KCTD10: variants seen among roughly 807,000 people sequenced by gnomAD.
The protein encoded by KCTD10 is BTB/POZ domain-containing adapter for CUL3-mediated RhoA degradation protein 3.
KCTD10 carries 13 observed loss-of-function variants against 34.6 expected under a neutral mutation model. The observed-to-expected ratio is 0.38, with a 90% CI of 0.24 to 0.60. The LOEUF (loss-of-function observed/expected upper bound fraction) is 0.60. Among genes scored for constraint, KCTD10 ranks in the 20% least tolerant of loss-of-function variants. KCTD10 has a pLI of 0.66. For missense variants in KCTD10, 256 were observed against 420.3 expected, an observed-to-expected ratio of 0.61 and a Z score of 3.42; for synonymous variants, 156 against 168.8, an observed-to-expected ratio of 0.92 and a Z score of 0.59.
Position 109,451,521 on chromosome 12 carries a change from C to A in KCTD10, c.*74G>T. 3 of 1,407,160 alleles carry A rather than the reference C, an allele frequency of 2.1e-6. No homozygotes were observed. Among genetic ancestry groups the A allele is most frequent in the East Asian group, 2.3e-5 (1 of 42,862 alleles). 87.2% of individuals were successfully genotyped at this position (1,407,160 alleles called of 1,614,324 possible). On this transcript the variant is annotated 3_prime_UTR_variant, in exon 7 of 7. Transcript: ENST00000228495. This position sits in a 1 kb window ranked among gnomAD's most constrained non-coding sequence, Gnocchi z 5.0. ...AAGGGAAGCAGAAGGGGCCCGGCAGCCTGCACAGGATCTGGGTGTAGCACG... is the reference window on the plus strand; with the variant it reads ...AAGGGAAGCAGAAGGGGCCCGGCAGACTGCACAGGATCTGGGTGTAGCACG...
rs1042251028 is a variant in KCTD10 at position 109,471,226 on chromosome 12, A to G, written c.4-1498T>C. On this transcript the variant is annotated intron_variant, in intron 1 of 6. Coordinates refer to ENST00000228495, the MANE Select transcript of KCTD10 (RefSeq NM_031954.5). ...CACAAACGTTATTTTTGTAAATGGG[A>G]CTGGGAGTAAAGGGAGGCAGCTTGC... The G allele has an allele frequency of 3.0e-6, 3 of 985,310 alleles. No homozygotes were observed. In the African/African-American group the frequency reaches 5.2e-5, roughly 17 times the overall value. The allele number at this position is 985,310 out of a possible 1,614,324, so 61.0% of individuals were successfully genotyped here.
chr12:109,470,568 G>A (rs4766475), intron 1 of KCTD10: 175,880 of 985,268 alleles, frequency 0.18, 15,821 homozygotes, highest in African/African-American at 0.18. Flanking sequence ...TAGAGGTGGA[G>A]ATGTGCAAGG....
At chr12:109,454,532 C>T (rs1872926924) in intron 6 of KCTD10, among the ~76,000 whole-genome samples, 1 of 152,122 alleles carries the variant, frequency 6.6e-6, no homozygotes, top group Non-Finnish European at 1.5e-5. Context: ...AGGTCGAGAC[C>T]AGCCTGGGCA....
intron 6 of KCTD10, among the ~76,000 whole-genome samples, chr12:109,454,353 CA>C (rs1268753106): frequency 6.6e-6 from 1 of 152,168 alleles, no homozygotes; most frequent in Non-Finnish European, 1.5e-5. Flanking sequence ...TGAGAACTGA[CA>C]AATACAATAA....
chr12:109,449,999 CTT>C lies in KCTD10; in HGVS notation c.*1594_*1595del, dbSNP rs1425401774. ...GATTGTTTTAAAGTTTTATTGTAGA[CTT>C]TGCTGTTGGATACAAAATGAAGGCA... On this transcript the variant is annotated 3_prime_UTR_variant, in exon 7 of 7. Transcript: ENST00000228495. 3 of 333,106 alleles carry C rather than the reference CTT, an allele frequency of 9.0e-6. No individual in the cohort carries two copies. The highest frequency in any genetic ancestry group is 1.6e-3 in the Middle Eastern group (2 of 1,282). The allele number at this position is 333,106 out of a possible 1,614,324, so 20.6% of individuals were successfully genotyped here. A position where few individuals can be genotyped will look rare whatever the true frequency, so the allele number is the denominator to read the frequency against.
At position 109,469,535 on chromosome 12, in the gene KCTD10, T is replaced by C. The variant is rs1873774367; in HGVS notation, c.197A>G (p.Glu66Gly). Reference protein sequence around the residue: ...MLKAMFSGRMEVLTDSEGWIL... With the variant: ...MLKAMFSGRMGVLTDSEGWIL... ...CTTACCTTCACTGTCGGTGAGCACT[T>C]CCATGCGCCCGCTGAACATGGCCTT... The change falls in exon 2 of 7, where the codon GAA becomes GGA. Residue 66 changes from glutamate (E) to glycine (G), a missense_variant. Transcript: ENST00000228495. The C allele has an allele frequency of 2.5e-6, 4 of 1,614,134 alleles. No homozygotes were observed. Among genetic ancestry groups the C allele is most frequent in the Non-Finnish European group, 3.4e-6 (4 of 1,179,990 alleles).
chr12:109,469,429 C>G (rs1210527795), intron 2 of KCTD10, 86 bp downstream of exon 2: 1 of 1,510,128 alleles, frequency 6.6e-7, no homozygotes, highest in Non-Finnish European at 9.0e-7. Context: ...ATCTTCAGGT[C>G]TCGACTTAAA....
chr12:109,464,099 T>C (rs148584954), intron 2 of KCTD10, among the ~76,000 whole-genome samples: 1 of 152,160 alleles, frequency 6.6e-6, no homozygotes, highest in Non-Finnish European at 1.5e-5. Flanking sequence ...TGACCTCTCC[T>C]TTCCCCTCTC....
intron 1 of KCTD10, among the ~76,000 whole-genome samples, chr12:109,475,038 G>A (rs528243900): frequency 6.6e-6 from 1 of 152,238 alleles, no homozygotes; most frequent in East Asian, 1.9e-4. Context: ...GAGTGTTAAA[G>A]CCATAATCTT....
chr12:109,472,100 T>G (rs1314315803), intron 1 of KCTD10, among the ~76,000 whole-genome samples: 19 of 152,184 alleles, frequency 1.2e-4, no homozygotes, highest in Admixed American at 1.2e-3. Context: ...CACACTACAT[T>G]TATTTAAAAT....
In KCTD10 at chr12:109,460,506, G is replaced by T; in HGVS notation, c.387+130C>A. ...TCCAACCGAAGGAATCGGGCTCCAG[G>T]GCAAACTCATTAACTCTCACAACAT... On this transcript the variant is annotated intron_variant, in intron 3 of 6. Coordinates refer to ENST00000228495, the MANE Select transcript of KCTD10 (RefSeq NM_031954.5). The surrounding 1 kb of genome is among the most constrained non-coding windows in gnomAD (Gnocchi z 4.5). The T allele has an allele frequency of 1.9e-6, 2 of 1,033,714 alleles. No homozygotes were observed. Among genetic ancestry groups the T allele is most frequent in the Non-Finnish European group, 2.8e-6 (2 of 710,066 alleles). 64.0% of individuals were successfully genotyped at this position (1,033,714 alleles called of 1,614,324 possible).
At chr12:109,470,196 A>G (rs1302047636) in intron 1 of KCTD10, 1 of 988,746 alleles carries the variant, frequency 1.0e-6, no homozygotes, top group Non-Finnish European at 1.2e-6. Flanking sequence ...ATTGCCATGT[A>G]CCACTCAATA....
In KCTD10 at chr12:109,460,075, G is replaced by T. The variant is rs144638888; in HGVS notation, c.387+561C>A. Among the ~76,000 whole-genome samples the T allele has an allele frequency of 1.6e-3, 240 of 152,360 alleles. No individual in the cohort carries two copies. The highest frequency in any genetic ancestry group is 2.7e-3 in the Non-Finnish European group (185 of 68,034). ...TGTGGTGTGGGGGAGGCCCAAACAA[G>T]GGCCTCATGCACACAGACCAGATTC... On this transcript the variant is annotated intron_variant, in intron 3 of 6. Coordinates refer to ENST00000228495, the MANE Select transcript of KCTD10 (RefSeq NM_031954.5). This position sits in a 1 kb window ranked among gnomAD's most constrained non-coding sequence, Gnocchi z 4.5.
In KCTD10 at chr12:109,460,672, G is replaced by T; in HGVS notation, c.351C>A (p.Val117=). 8 of 1,614,140 alleles carry T rather than the reference G, an allele frequency of 5.0e-6. No homozygotes were observed. The highest frequency in any genetic ancestry group is 1.3e-5 in the African/African-American group (1 of 75,030). The change falls in exon 3 of 7, where the codon GTC becomes GTA. Residue 117 remains valine, a synonymous_variant. Coordinates refer to ENST00000228495, the MANE Select transcript of KCTD10 (RefSeq NM_031954.5). This position sits in a 1 kb window ranked among gnomAD's most constrained non-coding sequence, Gnocchi z 4.5. ...ELLAEAKYYL[V]QGLVEECQAA... is the part of the protein sequence containing the mutation. Reference sequence around the variant, plus strand: ...CCTGGCACTCTTCCACCAGGCCTTGGACTAGGTAGTACTTGGCTTCTGCTA... The same window carrying T: ...CCTGGCACTCTTCCACCAGGCCTTGTACTAGGTAGTACTTGGCTTCTGCTA...
In KCTD10 at chr12:109,451,871, C is replaced by T; in HGVS notation, c.724-58G>A. 2 of 1,474,888 alleles carry T rather than the reference C, an allele frequency of 1.4e-6. No homozygotes were observed. Among genetic ancestry groups the T allele is most frequent in the Non-Finnish European group, 1.8e-6 (2 of 1,092,760 alleles). The allele number at this position is 1,474,888 out of a possible 1,614,324, so 91.4% of individuals were successfully genotyped here. A position where few individuals can be genotyped will look rare whatever the true frequency, so the allele number is the denominator to read the frequency against. On this transcript the variant is annotated intron_variant, in intron 6 of 6. Coordinates refer to ENST00000228495, the MANE Select transcript of KCTD10 (RefSeq NM_031954.5). This position sits in a 1 kb window ranked among gnomAD's most constrained non-coding sequence, Gnocchi z 5.0. Reference sequence around the variant, plus strand: ...TATGGCCCACCCCCTCTGCCAACACCTGGACTTTAAGCAGGGCCGCCAGGC... The same window carrying T: ...TATGGCCCACCCCCTCTGCCAACACTTGGACTTTAAGCAGGGCCGCCAGGC...
chr12:109,460,630 G>A lies in KCTD10; in HGVS notation c.387+6C>T. ...CACCCATATGGGAAGAAAGGGTGAT[G>A]CCTACTTGTAGGGCCGCCTGGCACT... On this transcript the variant is annotated splice_donor_region_variant and intron_variant, in intron 3 of 6. Coordinates refer to ENST00000228495, the MANE Select transcript of KCTD10 (RefSeq NM_031954.5). The surrounding 1 kb of genome is among the most constrained non-coding windows in gnomAD (Gnocchi z 4.5). 6.2e-7 allele frequency: 1 copy of A among 1,612,384 alleles called. No homozygotes were observed. The highest frequency in any genetic ancestry group is 8.5e-7 in the Non-Finnish European group (1 of 1,178,812).
rs201154464 is a variant in KCTD10, at chr12:109,460,816, A to C, written c.218-11T>G. The C allele has an allele frequency of 1.6e-5, 26 of 1,613,118 alleles. No individual in the cohort carries two copies. The highest frequency in any genetic ancestry group is 1.9e-5 in the Non-Finnish European group (22 of 1,179,456). On this transcript the variant is annotated splice_polypyrimidine_tract_variant and intron_variant, in intron 2 of 6. Coordinates refer to ENST00000228495, the MANE Select transcript of KCTD10 (RefSeq NM_031954.5). The surrounding 1 kb of genome is among the most constrained non-coding windows in gnomAD (Gnocchi z 4.5). ...CAATGAGGATCCAGCCTGCAGAGGGAGGAGGCAGGGGCTGGTTACATGGGC... is the reference window on the plus strand; with the variant it reads ...CAATGAGGATCCAGCCTGCAGAGGGCGGAGGCAGGGGCTGGTTACATGGGC...
intron 5 of KCTD10, 192 bp downstream of exon 5, chr12:109,457,438 G>A: frequency 1.7e-6 from 1 of 584,758 alleles, no homozygotes; most frequent in Non-Finnish European, 3.1e-6. Flanking sequence ...ACTCTAGAAA[G>A]ATGACTTTTA....
chr12:109,467,512 C>T (rs1873647493), intron 2 of KCTD10, among the ~76,000 whole-genome samples: 3 of 152,094 alleles, frequency 2.0e-5, no homozygotes, highest in Admixed American at 2.0e-4. Context: ...TTCCCAGCTA[C>T]ACAGAAGGCT....
Sources: allele counts gnomAD v4.1 joint callset (sites outside exome capture counted in the v4.1 genomes callset), GRCh38; gene constraint gnomAD v4.1.1; non-coding constraint Gnocchi (gnomAD v3.1); transcripts MANE v1.5; gene names NCBI Gene and HGNC (gene_info 2026-07-23, HGNC 2026-07-21).